The following APOB variants were observed in gnomAD, a reference collection of about 807,000 sequenced individuals.
APOB encodes apolipoprotein B-100.
In APOB, 153 loss-of-function variants were observed where a neutral mutation model predicts 314.1. The ratio of observed to expected loss-of-function variants is 0.49; its 90% confidence interval spans 0.43 to 0.56. The LOEUF (loss-of-function observed/expected upper bound fraction) is 0.56. Among genes scored for constraint, APOB ranks in the 20% least tolerant of loss-of-function variants. The pLI is 0.00. For synonymous variants in APOB, 2,087 were observed against 2,036.4 expected (o/e 1.02, Z -0.67); for missense variants, 5,430 against 5,350.7 (o/e 1.01, Z -0.46).
At chr2:21,032,214 C>A in intron 10 of APOB, 140 bp downstream of exon 10, 1 of 751,874 alleles carries the variant, frequency 1.3e-6, no homozygotes, top group South Asian at 1.6e-5. Context: ...GTCATTACCC[C>A]AAAAATGATC....
chr2:21,004,184 C>T, intron 28 of APOB, 85 bp downstream of exon 28: 1 of 1,462,998 alleles, frequency 6.8e-7, no homozygotes, highest in South Asian at 1.2e-5. Flanking sequence ...TGGGGAATCT[C>T]TGAATATTTG....
chr2:21,015,134 A>G lies in APOB; in HGVS notation c.3635T>C (p.Leu1212Pro). 1 of 1,614,240 alleles carries G rather than the reference A, an allele frequency of 6.2e-7. No individual in the cohort carries two copies. Among genetic ancestry groups the G allele is most frequent in the Non-Finnish European group, 8.5e-7 (1 of 1,180,036 alleles). Residue 1212 changes from leucine to proline, a missense_variant, in exon 23 of 29, where the codon CTG becomes CCG. Coordinates refer to ENST00000233242, the MANE Select transcript of APOB (RefSeq NM_000384.3). ...KSLHMYANRL[L>P]DHRVPQTDMT... ...GTCTGTTTGAGGGACTCTGTGATCC[A>G]GGAGTCTATTAGCATACATATGCAA... is the stretch of plus-strand genomic sequence containing the variant.
chr2:21,020,338 C>G (rs760723519), intron 18 of APOB, among the ~76,000 whole-genome samples: 4 of 152,190 alleles, frequency 2.6e-5, no homozygotes, highest in Non-Finnish European at 5.9e-5. Flanking sequence ...AAGTCTCTTC[C>G]CCTGTGCCCC....
rs199815987 is a variant in APOB at position 21,012,003 on chromosome 2, T to C, written c.4865A>G (p.His1622Arg). The change falls in exon 26 of 29, where the codon CAT (histidine) becomes CGT (arginine). Residue 1622 changes from histidine to arginine, a missense_variant. By Grantham distance (29) the His-to-Arg change is conservative. This residue lies in a region of APOB where 2,085 missense variants were observed against 2,079.7 expected (regional missense o/e 1.00). Coordinates refer to ENST00000233242, the MANE Select transcript of APOB (RefSeq NM_000384.3). ...FSLLSGSLNS[H>R]GLELNADILG... ...GATGTCAGCATTTAACTCAAGACCA[T>C]GGGAATTTAGTGATCCAGAAAGCAG... The C allele has an allele frequency of 6.2e-7, 1 of 1,614,156 alleles. No homozygotes were observed. Among genetic ancestry groups the C allele is most frequent in the African/African-American group, 1.3e-5 (1 of 75,046 alleles).
In APOB at chr2:21,041,071, C is replaced by G. The variant is rs1288338249; in HGVS notation, c.250G>C (p.Val84Leu). The change falls in exon 4 of 29, where the codon GTT becomes CTT. Residue 84 changes from valine (V) to leucine (L), a missense_variant. By Grantham distance (32) the Val-to-Leu change is conservative (BLOSUM62 1). Coordinates refer to ENST00000233242, the MANE Select transcript of APOB (RefSeq NM_000384.3). ...AGGATGAAGCTGCAGAGCTGGGGAA[C>G]CTCCAGCTCAACCTGAGAATTCAGG... ...TRINCKVELE[V>L]PQLCSFILKT... The G allele has an allele frequency of 6.2e-7, 1 of 1,612,214 alleles. No homozygotes were observed. The highest frequency in any genetic ancestry group is 8.5e-7 in the Non-Finnish European group (1 of 1,179,716).
In APOB at chr2:21,007,762, A is replaced by T; in HGVS notation, c.9106T>A (p.Ser3036Thr). 1 of 1,613,984 alleles carries T rather than the reference A, an allele frequency of 6.2e-7. No individual in the cohort carries two copies. Among genetic ancestry groups the T allele is most frequent in the Non-Finnish European group, 8.5e-7 (1 of 1,179,940 alleles). ...AATGGCTGGGCTGAAAAGAAAAGAG[A>T]ATTTTTCAAAGTTCCAATAACCTTT... is the stretch of plus-strand genomic sequence containing the variant. ...NGKVIGTLKN[S>T]LFFSAQPFEI... Residue 3036 changes from serine to threonine, a missense_variant, in exon 26 of 29, where the codon TCT becomes ACT. Transcript: ENST00000233242.
chr2:21,040,962 T>C lies in APOB; in HGVS notation c.359A>G (p.Glu120Gly). The change falls in exon 4 of 29, where the codon GAG becomes GGG. Residue 120 changes from glutamate to glycine, a missense_variant. By Grantham distance (98) the Glu-to-Gly change is moderately conservative. Coordinates refer to ENST00000233242, the MANE Select transcript of APOB (RefSeq NM_000384.3). Reference sequence around the variant, plus strand: ...CCTGGACATGGCTGCAGCAAACTCCTCAGAGTTCTTGGTTTTCTTCAGCAA... The same window carrying C: ...CCTGGACATGGCTGCAGCAAACTCCCCAGAGTTCTTGGTTTTCTTCAGCAA... Reference protein sequence around the residue: ...KALLKKTKNSEEFAAAMSRYE... With the variant: ...KALLKKTKNSGEFAAAMSRYE... 1 of 1,614,096 alleles carries C rather than the reference T, an allele frequency of 6.2e-7. No individual in the cohort carries two copies. The highest frequency in any genetic ancestry group is 8.5e-7 in the Non-Finnish European group (1 of 1,180,018).
chr2:21,035,034 G>A lies in APOB; in HGVS notation c.819-133C>T, dbSNP rs990620546. On this transcript the variant is annotated intron_variant, in intron 7 of 28. Transcript: ENST00000233242. Reference sequence around the variant, plus strand: ...CAAAGCATGGGTAAATCCAGCCATTGTTGGCCCTGAATGAATAACATCCAC... The same window carrying A: ...CAAAGCATGGGTAAATCCAGCCATTATTGGCCCTGAATGAATAACATCCAC... 4 of 752,346 alleles carry A rather than the reference G, an allele frequency of 5.3e-6. No individual in the cohort carries two copies. The African/African-American group carries it at 6.8e-5, about 13-fold the overall frequency. 46.6% of individuals were successfully genotyped at this position (752,346 alleles called of 1,614,324 possible). A position where few individuals can be genotyped will look rare whatever the true frequency, so the allele number is the denominator to read the frequency against.
chr2:21,007,400 T>G lies in APOB; in HGVS notation c.9468A>C (p.Thr3156=). 2 of 1,614,062 alleles carry G rather than the reference T, an allele frequency of 1.2e-6. No individual in the cohort carries two copies. The highest frequency in any genetic ancestry group is 1.7e-6 in the Non-Finnish European group (2 of 1,179,952). ...PLKDFSLWEK[T]GLKEFLKTTK... ...TCGTTTTCAAGAATTCCTTCAAGCC[T>G]GTTTTTTCCCATAGAGAGAAATCTT... is the stretch of plus-strand genomic sequence containing the variant. The change falls in exon 26 of 29, where the codon ACA becomes ACC. Residue 3156 remains threonine, a synonymous_variant. Transcript: ENST00000233242.
intron 8 of APOB, 126 bp downstream of exon 8, chr2:21,034,690 C>A: frequency 1.3e-6 from 1 of 754,142 alleles, no homozygotes; most frequent in South Asian, 1.4e-5. Flanking sequence ...CTAGAGGTAG[C>A]CAGAACACCA....
rs1558560897 is a variant in APOB at position 21,005,800 on chromosome 2, G to C, written c.11068C>G (p.Leu3690Val). ...YDKSLWDFLK[L>V]DVTTSIGRRQ... ...CTACCAATGCTGGTGGTTACATCCA[G>C]CTTTAGGAAATCCCATAAGCTCTTG... The change falls in exon 26 of 29, where the codon CTG becomes GTG. Residue 3690 changes from leucine to valine, a missense_variant. Around this residue, in one of 3 missense-constraint regions of APOB, gnomAD observed 3,281 missense variants for 3,171.0 expected, o/e 1.03. Transcript: ENST00000233242. The C allele has an allele frequency of 6.2e-7, 1 of 1,614,034 alleles. No homozygotes were observed. Among genetic ancestry groups the C allele is most frequent in the Non-Finnish European group, 8.5e-7 (1 of 1,179,970 alleles).
chr2:21,038,178 G>A, intron 4 of APOB, 67 bp from the exon 5 acceptor site: 3 of 1,569,814 alleles, frequency 1.9e-6, no homozygotes, highest in Admixed American at 1.7e-5. Flanking sequence ...AGTAAGCTGG[G>A]TGGCACTGAA....
rs12714034 is a variant in APOB at position 21,021,559 on chromosome 2, A to T, written c.2816+1272T>A. 1.2e-4 allele frequency among the ~76,000 whole-genome samples: 19 copies of T among 152,228 alleles called. No individual in the cohort carries two copies. In the South Asian group the frequency reaches 3.9e-3, roughly 32 times the overall value. On this transcript the variant is annotated intron_variant, in intron 18 of 28. Transcript: ENST00000233242. ...CTTAGGATGGCTTTCGCAGCTGGGC[A>T]TGCTCTCTCCCCTGCCTACCTCTCC...
chr2:21,024,752 G>T, intron 16 of APOB, 181 bp downstream of exon 16: 1 of 730,026 alleles, frequency 1.4e-6, no homozygotes, highest in African/African-American at 1.8e-5. Context: ...ATTTCTAAAT[G>T]TTAACATTTC....
At position 21,042,740 on chromosome 2, in the gene APOB, T is replaced by C. The variant is rs1243495350; in HGVS notation, c.122-264A>G. 2.0e-5 allele frequency among the ~76,000 whole-genome samples: 3 copies of C among 151,938 alleles called. No homozygotes were observed. The East Asian group carries it at 5.8e-4, about 29-fold the overall frequency. ...GAAGGGAGTGACAAGTGTCAAGTAA[T>C]GGGGCTCAGAAAATCTGCATGAGAG... On this transcript the variant is annotated intron_variant, in intron 2 of 28. Transcript: ENST00000233242.
intron 20 of APOB, among the ~76,000 whole-genome samples, chr2:21,017,985 A>G (rs973213316): frequency 6.6e-6 from 1 of 152,130 alleles, no homozygotes; most frequent in African/African-American, 2.4e-5. Context: ...GTGAACACCT[A>G]AATTTCTCCC....
At position 21,013,346 on chromosome 2, in the gene APOB, T is replaced by C. The variant is rs753769338; in HGVS notation, c.4030A>G (p.Lys1344Glu). 2 of 1,614,164 alleles carry C rather than the reference T, an allele frequency of 1.2e-6. No homozygotes were observed. The highest frequency in any genetic ancestry group is 1.7e-6 in the Non-Finnish European group (2 of 1,180,026). Residue 1344 changes from lysine to glutamate, a missense_variant, in exon 25 of 29, where the codon AAG (lysine) becomes GAG (glutamate). This residue lies in a region of APOB where 2,085 missense variants were observed against 2,079.7 expected (regional missense o/e 1.00). Coordinates refer to ENST00000233242, the MANE Select transcript of APOB (RefSeq NM_000384.3). ...AGAGGCACTTGCAGTTGATACAACT[T>C]GGGAATGGTAAAAGTAGGGACTTGG... ...EFQVPTFTIP[K>E]LYQLQVPLLG...
At position 21,010,732 on chromosome 2, in the gene APOB, C is replaced by A. The variant is rs72653084; in HGVS notation, c.6136G>T (p.Val2046Phe). Residue 2046 changes from valine (V) to phenylalanine (F), a missense_variant, in exon 26 of 29, where the codon GTT becomes TTT. This residue lies in a region of APOB where 3,281 missense variants were observed against 3,171.0 expected (regional missense o/e 1.03). Transcript: ENST00000233242. Reference protein sequence around the residue: ...IIDALEMRDAVEKPQEFTIVA... With the variant: ...IIDALEMRDAFEKPQEFTIVA... ...ATTGTAAATTCTTGGGGCTTCTCAA[C>A]GGCATCTCTCATCTCTAAAGCATCA... 2.5e-6 allele frequency: 4 copies of A among 1,613,866 alleles called. No individual in the cohort carries two copies. Among genetic ancestry groups the A allele is most frequent in the Non-Finnish European group, 3.4e-6 (4 of 1,179,898 alleles).
At chr2:21,021,061 C>G (rs1270383599) in intron 18 of APOB, among the ~76,000 whole-genome samples, 2 of 152,212 alleles carry the variant, frequency 1.3e-5, no homozygotes, top group African/African-American at 4.8e-5. Flanking sequence ...GCCCAAGCCT[C>G]TTTACTGGGC....
Sources: allele counts gnomAD v4.1 joint callset (sites outside exome capture counted in the v4.1 genomes callset), GRCh38; gene constraint gnomAD v4.1.1; regional missense constraint gnomAD v4.1.1; transcripts MANE v1.5; gene names NCBI Gene and HGNC (gene_info 2026-07-23, HGNC 2026-07-21).